The following ROBO2 variants were observed in gnomAD, a reference collection of about 807,000 sequenced individuals.
ROBO2 encodes the protein roundabout guidance receptor 2, also known as roundabout homolog 2.
Under a neutral mutation model 160.8 loss-of-function variants are expected in ROBO2, and 53 were observed. The ratio of observed to expected loss-of-function variants is 0.33; its 90% CI spans 0.26 to 0.41. The LOEUF is 0.41. Among genes scored for constraint, ROBO2 ranks in the 10% least tolerant of loss-of-function variants. ROBO2 has a pLI of 1.00. For missense variants in ROBO2, 1,577 were observed against 1,722.4 expected (o/e 0.92, Z 1.49); for synonymous variants, 664 against 611.7 (o/e 1.09, Z -1.26).
At chr3:77,216,308 T>G (rs2084938665) in intron 2 of ROBO2, among the ~76,000 whole-genome samples, 2 of 152,150 alleles carry the variant, frequency 1.3e-5, no homozygotes, top group African/African-American at 4.8e-5. Context: ...ACTGCCGCCT[T>G]GCAGTTTGAC....
intron 2 of ROBO2, among the ~76,000 whole-genome samples, chr3:76,175,392 G>T (rs570444661): frequency 5.9e-5 from 9 of 151,924 alleles, no homozygotes; most frequent in Admixed American, 5.9e-4. Context: ...TTAAGCTTTA[G>T]TATCTTATTC....
intron 2 of ROBO2, among the ~76,000 whole-genome samples, chr3:76,177,340 T>C (rs2073267800): frequency 6.6e-6 from 1 of 152,224 alleles, no homozygotes; most frequent in Non-Finnish European, 1.5e-5. Context: ...TTCTTTGACC[T>C]GTCATTTTCA....
rs1226092136 is a variant in ROBO2 at position 76,665,961 on chromosome 3, C to CATATAATAT, written c.110-432040_110-432032dup. Among the ~76,000 whole-genome samples, 80 of 134,322 alleles carry CATATAATAT rather than the reference C, an allele frequency of 6.0e-4. No homozygotes were observed. The Middle Eastern group carries it at 0.012, about 21-fold the overall frequency. The allele number at this position is 134,322 out of a possible 152,430, so 88.1% of individuals were successfully genotyped here. On this transcript the variant is annotated intron_variant, in intron 2 of 26. Transcript: ENST00000487694. ...TATAATATATTATATATAATATATA[C>CATATAATAT]ATATAATATATATAATATATACATG...
At chr3:77,246,003 GT>G (rs1230355056) in intron 2 of ROBO2, among the ~76,000 whole-genome samples, 1 of 152,164 alleles carries the variant, frequency 6.6e-6, no homozygotes, top group Non-Finnish European at 1.5e-5. Context: ...ATTAAGTCCT[GT>G]GTTTTTTAGT....
chr3:76,270,224 G>A (rs1707349600), intron 2 of ROBO2, among the ~76,000 whole-genome samples: 1 of 151,962 alleles, frequency 6.6e-6, no homozygotes, highest in African/African-American at 2.4e-5. Flanking sequence ...ACCTCTGTTG[G>A]CTGCCAAAAG....
At chr3:77,451,963 C>T (rs973266496) in intron 2 of ROBO2, among the ~76,000 whole-genome samples, 6 of 151,978 alleles carry the variant, frequency 3.9e-5, no homozygotes, top group African/African-American at 1.5e-4. Context: ...TGTTCCCCTT[C>T]CTGTGTCCAA....
intron 2 of ROBO2, among the ~76,000 whole-genome samples, chr3:76,035,195 T>A (rs891468324): frequency 1.3e-5 from 2 of 151,704 alleles, no homozygotes; most frequent in Admixed American, 1.3e-4. Flanking sequence ...ATATCTTTTT[T>A]TTTTTTTTTC....
At chr3:76,203,415 G>A (rs188215885) in intron 2 of ROBO2, among the ~76,000 whole-genome samples, 4 of 151,368 alleles carry the variant, frequency 2.6e-5, no homozygotes, top group East Asian at 2.0e-4. Context: ...TCAGGCTCTC[G>A]GCTTCCCCCA....
intron 2 of ROBO2, among the ~76,000 whole-genome samples, chr3:77,404,845 CA>C (rs1327473642): frequency 6.6e-6 from 1 of 152,086 alleles, no homozygotes; most frequent in African/African-American, 2.4e-5. Flanking sequence ...AATAGCATGA[CA>C]AAAGAGACAT....
At chr3:77,370,196 T>C (rs2071531614) in intron 2 of ROBO2, among the ~76,000 whole-genome samples, 1 of 152,128 alleles carries the variant, frequency 6.6e-6, no homozygotes, top group Admixed American at 6.6e-5. Context: ...CAGGAACTGG[T>C]ATGGGTTGTG....
intron 2 of ROBO2, among the ~76,000 whole-genome samples, chr3:76,369,552 A>G (rs907342083): frequency 2.6e-5 from 4 of 151,954 alleles, no homozygotes; most frequent in Non-Finnish European, 5.9e-5. Context: ...AATGCCAGCT[A>G]TATATCTCTG....
intron 2 of ROBO2, among the ~76,000 whole-genome samples, chr3:76,836,478 G>T (rs1456758704): frequency 6.7e-6 from 1 of 150,322 alleles, no homozygotes. Context: ...AGACTTTGGG[G>T]GGGCAGGAAA....
intron 2 of ROBO2, among the ~76,000 whole-genome samples, chr3:77,342,669 C>T (rs1020821518): frequency 1.3e-5 from 2 of 152,096 alleles, no homozygotes; most frequent in Non-Finnish European, 2.9e-5. Context: ...AACATTTCTC[C>T]CTGGCTTTTC....
intron 2 of ROBO2, among the ~76,000 whole-genome samples, chr3:76,246,086 A>C (rs1031832042): frequency 6.6e-6 from 1 of 151,690 alleles, no homozygotes; most frequent in Non-Finnish European, 1.5e-5. Context: ...TGAAAATAAC[A>C]CACTTTCTAG....
At chr3:77,529,544 G>T (rs546063700) in intron 6 of ROBO2, among the ~76,000 whole-genome samples, 1 of 151,722 alleles carries the variant, frequency 6.6e-6, no homozygotes, top group African/African-American at 2.4e-5. Flanking sequence ...TTATAGAATA[G>T]TATGTTAATA....
intron 2 of ROBO2, among the ~76,000 whole-genome samples, chr3:77,388,757 A>T (rs2074395036): frequency 1.3e-5 from 2 of 152,208 alleles, no homozygotes; most frequent in African/African-American, 4.8e-5. Context: ...TTACTACCAT[A>T]GTAAATTGAC....
chr3:76,813,533 A>G (rs1178134165), intron 2 of ROBO2, among the ~76,000 whole-genome samples: 1 of 152,142 alleles, frequency 6.6e-6, no homozygotes, highest in Non-Finnish European at 1.5e-5. Context: ...TAAGTGACAA[A>G]TGATGTAGTC....
intron 2 of ROBO2, among the ~76,000 whole-genome samples, chr3:76,683,297 A>C (rs1392671584): frequency 6.6e-6 from 1 of 152,098 alleles, no homozygotes; most frequent in Non-Finnish European, 1.5e-5. Flanking sequence ...ATACTTGGTC[A>C]AAAACCATTT....
At chr3:76,099,756 C>T (rs550663773) in intron 2 of ROBO2, among the ~76,000 whole-genome samples, 71 of 151,792 alleles carry the variant, frequency 4.7e-4, no homozygotes, top group African/African-American at 1.7e-3. Flanking sequence ...ATATGGCTTA[C>T]CAAAAACGTA....
Sources: gnomAD v4.1 joint callset for allele counts (sites outside exome capture counted in the v4.1 genomes callset) on GRCh38, gnomAD v4.1.1 for gene constraint, MANE v1.5 for transcripts, NCBI Gene and HGNC (gene_info 2026-07-23, HGNC 2026-07-21) for gene names.